Variants in ZMAT3 observed in about 807,000 individuals in gnomAD.
The protein encoded by ZMAT3 is zinc finger matrin-type 3, also known as zinc finger matrin-type protein 3.
Under a neutral mutation model 32.3 loss-of-function variants are expected in ZMAT3, and 17 were observed. That is an observed-to-expected ratio of 0.53 (90% confidence interval 0.36 to 0.79). ZMAT3 has a LOEUF of 0.79. Among genes scored for constraint, ZMAT3 ranks in the 30% least tolerant of loss-of-function variants. The pLI is 0.00. For missense variants in ZMAT3, 329 were observed against 359.7 expected, an observed-to-expected ratio of 0.91 and a Z score of 0.69; for synonymous variants, 120 against 133.1, an observed-to-expected ratio of 0.90 and a Z score of 0.68.
chr3:179,023,712 T>TATATATATA lies in ZMAT3; in HGVS notation c.*1304_*1305insTATATATAT, dbSNP rs1718686965. ...AAAATATATCTATATATATATATAT[T>TATATATATA]TTTTTTTTTTTTTTTTTTTTTTTTT... On this transcript the variant is annotated 3_prime_UTR_variant, in exon 6 of 6. Transcript: ENST00000311417. 1 of 17,862 alleles carries TATATATATA rather than the reference T, an allele frequency of 5.6e-5. No individual in the cohort carries two copies. Among genetic ancestry groups the TATATATATA allele is most frequent in the East Asian group, 9.6e-3 (1 of 104 alleles). 1.1% of individuals were successfully genotyped at this position (17,862 alleles called of 1,614,324 possible).
At chr3:179,057,930 G>A (rs894591709) in intron 2 of ZMAT3, among the ~76,000 whole-genome samples, 7 of 152,136 alleles carry the variant, frequency 4.6e-5, no homozygotes, top group African/African-American at 7.2e-5. Context: ...AGGACCTAAC[G>A]AAGGCCCTAA....
intron 2 of ZMAT3, among the ~76,000 whole-genome samples, chr3:179,035,608 GT>G (rs11398357): frequency 1.3e-5 from 2 of 151,070 alleles, no homozygotes; most frequent in South Asian, 2.1e-4. Context: ...TTGTTGACTT[GT>G]TTTTTTTTCT....
At chr3:179,033,466 G>A (rs571088955) in intron 2 of ZMAT3, among the ~76,000 whole-genome samples, 160 of 148,666 alleles carry the variant, frequency 1.1e-3, no homozygotes, top group African/African-American at 3.2e-3. Flanking sequence ...CCCCCTCTCC[G>A]AGAAACACCC....
intron 2 of ZMAT3, among the ~76,000 whole-genome samples, chr3:179,035,794 C>A (rs940168901): frequency 2.6e-5 from 4 of 152,138 alleles, no homozygotes; most frequent in African/African-American, 9.7e-5. Flanking sequence ...TAGGAGAACA[C>A]AGAGAAGGAA....
intron 2 of ZMAT3, among the ~76,000 whole-genome samples, chr3:179,035,945 G>C (rs1420483671): frequency 6.6e-6 from 1 of 152,168 alleles, no homozygotes; most frequent in Non-Finnish European, 1.5e-5. Context: ...AATAGCATGA[G>C]CAAAAGCCCA....
At chr3:179,064,205 T>C (rs1467502592) in intron 2 of ZMAT3, among the ~76,000 whole-genome samples, 2 of 152,230 alleles carry the variant, frequency 1.3e-5, no homozygotes, top group Non-Finnish European at 2.9e-5. Context: ...TTCACACAAA[T>C]GTGTTTCTAG....
chr3:179,039,186 G>A (rs1576850295), intron 2 of ZMAT3, among the ~76,000 whole-genome samples: 1 of 152,356 alleles, frequency 6.6e-6, no homozygotes, highest in African/African-American at 2.4e-5. Flanking sequence ...GTCCCTTTCT[G>A]ACAGCTCTGA....
rs2108533038 is a variant in ZMAT3 at position 179,025,181 on chromosome 3, G to A, written c.706C>T (p.Leu236=). 6.2e-7 allele frequency: 1 copy of A among 1,614,222 alleles called. No individual in the cohort carries two copies. The highest frequency in any genetic ancestry group is 8.5e-7 in the Non-Finnish European group (1 of 1,180,038). Residue 236 remains leucine, a synonymous_variant, in exon 6 of 6, where the codon CTG becomes TTG. Transcript: ENST00000311417. ...CCACTTGGAGTAACACACATGGCCA[G>A]ATCACGTGGAATTCTCTGCCGAGAG... The part of the protein sequence containing the change: ...PRSRQRIPRD[L]AMCVTPSGQF...
intron 1 of ZMAT3, among the ~76,000 whole-genome samples, chr3:179,071,150 A>T (rs1721690665): frequency 6.6e-6 from 1 of 152,210 alleles, no homozygotes; most frequent in Non-Finnish European, 1.5e-5. Flanking sequence ...AGAACGCAGA[A>T]AACTGGGGAA....
chr3:179,049,948 C>T (rs1215548576), intron 2 of ZMAT3, among the ~76,000 whole-genome samples: 4 of 136,888 alleles, frequency 2.9e-5, no homozygotes, highest in Non-Finnish European at 4.6e-5. Flanking sequence ...GACAAGATCG[C>T]GCCACTGCAC....
At position 179,019,402 on chromosome 3, in the gene ZMAT3, T is replaced by C. The variant is rs559407310; in HGVS notation, c.*5615A>G. 5.9e-5 allele frequency: 9 copies of C among 152,228 alleles called. No individual in the cohort carries two copies. In the Middle Eastern group the frequency reaches 0.01, roughly 173 times the overall value. The allele number at this position is 152,228 out of a possible 1,614,324, so 9.4% of individuals were successfully genotyped here. A position where few individuals can be genotyped will look rare whatever the true frequency, so the allele number is the denominator to read the frequency against. On this transcript the variant is annotated 3_prime_UTR_variant, in exon 6 of 6. Transcript: ENST00000311417. ...CATGCTAAGAATTTAGGGCAGTGTA[T>C]TGCCTAAAATTTACTTTGGAATGTT...
At chr3:179,041,187 A>G (rs1467134120) in intron 2 of ZMAT3, among the ~76,000 whole-genome samples, 3 of 152,194 alleles carry the variant, frequency 2.0e-5, no homozygotes, top group African/African-American at 4.8e-5. Context: ...ACACAAGGTT[A>G]ACAAGCATAT....
chr3:179,068,245 G>A (rs1028019239), intron 1 of ZMAT3, among the ~76,000 whole-genome samples: 7 of 152,160 alleles, frequency 4.6e-5, no homozygotes, highest in African/African-American at 1.4e-4. Flanking sequence ...GGTGGCTCAC[G>A]CCTGTAATCC....
chr3:179,049,991 CAAAAAAA>C (rs34239014), intron 2 of ZMAT3, among the ~76,000 whole-genome samples: 13 of 8,126 alleles, frequency 1.6e-3, no homozygotes, highest in East Asian at 4.0e-3. Flanking sequence ...GACTCCGTCT[CAAAAAAA>C]AAAAAAAAAA....
chr3:179,027,361 A>C, intron 5 of ZMAT3, 62 bp downstream of exon 5: 1 of 1,437,170 alleles, frequency 7.0e-7, no homozygotes, highest in Non-Finnish European at 9.6e-7. Context: ...CATTAAAAGA[A>C]ATAAAAACAA....
At chr3:179,035,026 C>T (rs1359382526) in intron 2 of ZMAT3, among the ~76,000 whole-genome samples, 1 of 152,182 alleles carries the variant, frequency 6.6e-6, no homozygotes, top group African/African-American at 2.4e-5. Flanking sequence ...TAGAATTCTC[C>T]TCATTATAAA....
At chr3:179,053,263 T>C (rs1720665003) in intron 2 of ZMAT3, among the ~76,000 whole-genome samples, 1 of 150,366 alleles carries the variant, frequency 6.7e-6, no homozygotes, top group South Asian at 2.1e-4. Flanking sequence ...ATCTATATTC[T>C]ATATAGAGAT....
intron 2 of ZMAT3, 31 bp downstream of exon 2, chr3:179,067,452 C>G: frequency 6.2e-7 from 1 of 1,609,578 alleles, no homozygotes; most frequent in Non-Finnish European, 8.5e-7. Context: ...GTTCACCCTA[C>G]TCAATGCCTG....
At chr3:179,070,421 T>C (rs1041662603) in intron 1 of ZMAT3, among the ~76,000 whole-genome samples, 1 of 152,242 alleles carries the variant, frequency 6.6e-6, no homozygotes, top group Admixed American at 6.5e-5. Flanking sequence ...AAAGAGTAGC[T>C]TGATATCCCA....
Sources: gnomAD v4.1 joint callset for allele counts (sites outside exome capture counted in the v4.1 genomes callset) on GRCh38, gnomAD v4.1.1 for gene constraint, MANE v1.5 for transcripts, NCBI Gene and HGNC (gene_info 2026-07-23, HGNC 2026-07-21) for gene names.